The following SBSPON variants were observed in gnomAD, a reference collection of about 807,000 sequenced individuals.
The protein encoded by SBSPON is somatomedin-B and thrombospondin type-1 domain-containing protein.
Under a neutral mutation model 35.8 loss-of-function variants are expected in SBSPON, and 30 were observed. The observed-to-expected ratio is 0.84, with a 90% CI of 0.63 to 1.14. The LOEUF is 1.14. Among genes scored for constraint, SBSPON ranks in the 50% most tolerant of loss-of-function variants. The pLI, the probability that SBSPON is intolerant of heterozygous loss-of-function variation, is 0.00. For missense variants in SBSPON, 364 were observed against 357.7 expected (o/e 1.02, Z -0.14); for synonymous variants, 136 against 135.9 (o/e 1.00, Z 0.00).
At chr8:73,086,774 A>G (rs1215629697) in intron 1 of SBSPON, among the ~76,000 whole-genome samples, 8 of 152,254 alleles carry the variant, frequency 5.3e-5, no homozygotes, top group Non-Finnish European at 1.2e-4. Context: ...ATGAATAAAA[A>G]AGATAATAGT....
intron 2 of SBSPON, among the ~76,000 whole-genome samples, chr8:73,078,758 A>G (rs904880277): frequency 6.6e-6 from 1 of 152,212 alleles, no homozygotes; most frequent in Non-Finnish European, 1.5e-5. Context: ...GTCTGTGAGC[A>G]ACCACGTCTG....
In SBSPON at chr8:73,067,277, T is replaced by G; in HGVS notation, c.*64A>C. ...GCCAAAATTGAAGGTTTAGGAAACATTGAACATGACTTGAGAATATTTAGA... is the reference window on the plus strand; with the variant it reads ...GCCAAAATTGAAGGTTTAGGAAACAGTGAACATGACTTGAGAATATTTAGA... On this transcript the variant is annotated 3_prime_UTR_variant, in exon 5 of 5. Coordinates refer to ENST00000297354, the MANE Select transcript of SBSPON (RefSeq NM_153225.4). The G allele has an allele frequency of 9.7e-7, 1 of 1,031,822 alleles. No individual in the cohort carries two copies. The highest frequency in any genetic ancestry group is 1.5e-6 in the Non-Finnish European group (1 of 661,728). The allele number at this position is 1,031,822 out of a possible 1,614,324, so 63.9% of individuals were successfully genotyped here. A position where few individuals can be genotyped will look rare whatever the true frequency, so the allele number is the denominator to read the frequency against.
rs1586085453 is a variant in SBSPON at position 73,064,730 on chromosome 8, T to C, written c.*2611A>G. ...CCAAAAAGAATACTGTGATTATAGT[T>C]ACCTTATTCCTTTTTCTATTCTTTT... is the stretch of plus-strand genomic sequence containing the variant. On this transcript the variant is annotated 3_prime_UTR_variant, in exon 5 of 5. Transcript: ENST00000297354. 1 of 151,956 alleles carries C rather than the reference T, an allele frequency of 6.6e-6. No homozygotes were observed. The highest frequency in any genetic ancestry group is 2.4e-5 in the African/African-American group (1 of 41,360). 9.4% of individuals were successfully genotyped at this position (151,956 alleles called of 1,614,324 possible).
Position 73,067,201 on chromosome 8 carries a change from A to C in SBSPON, c.*140T>G, listed in dbSNP as rs1810404457. ...TGTGTTCCTTGAGAACTGGCCCCTA[A>C]ATTTTCTTTCTCTACTTCAGAGTGT... On this transcript the variant is annotated 3_prime_UTR_variant, in exon 5 of 5. Transcript: ENST00000297354. The C allele has an allele frequency of 1.9e-6, 1 of 538,842 alleles. No homozygotes were observed. Among genetic ancestry groups the C allele is most frequent in the African/African-American group, 1.9e-5 (1 of 52,834 alleles). 33.4% of individuals were successfully genotyped at this position (538,842 alleles called of 1,614,324 possible).
intron 1 of SBSPON, among the ~76,000 whole-genome samples, chr8:73,088,530 C>T (rs1810875681): frequency 1.3e-5 from 2 of 152,066 alleles, no homozygotes; most frequent in Non-Finnish European, 2.9e-5. Flanking sequence ...AAAAAATAGC[C>T]AGGCTTGGCA....
In SBSPON at chr8:73,067,346, TA is replaced by T. The variant is rs1307736876; in HGVS notation, c.789del (p.Phe263LeufsTer5). 2.6e-6 allele frequency: 4 copies of T among 1,541,118 alleles called. No homozygotes were observed. The highest frequency in any genetic ancestry group is 3.6e-6 in the Non-Finnish European group (4 of 1,114,164). On this transcript the variant is annotated frameshift_variant, in exon 5 of 5. Transcript: ENST00000297354. LOFTEE classifies it high-confidence loss of function. ...CSCPAVHSFI[F>X]I Reference sequence around the variant, plus strand: ...GGAAATATTTATATCACCATCTATATAAAAATAAAACTGTGAACAGCTGGAC... The same window carrying T: ...GGAAATATTTATATCACCATCTATATAAAATAAAACTGTGAACAGCTGGAC...
At chr8:73,071,893 G>T (rs776873530) in intron 2 of SBSPON, 23 bp from the exon 3 acceptor site, 1 of 1,486,126 alleles carries the variant, frequency 6.7e-7, no homozygotes, top group Non-Finnish European at 9.4e-7. Flanking sequence ...GATTTCTGTT[G>T]AATTCAGGGA....
chr8:73,071,746 A>T, intron 3 of SBSPON, 34 bp downstream of exon 3: 1 of 1,254,464 alleles, frequency 8.0e-7, no homozygotes, highest in Non-Finnish European at 1.1e-6. Flanking sequence ...CAATTGAAAA[A>T]CATGATTAAA....
intron 2 of SBSPON, 31 bp from the exon 3 acceptor site, chr8:73,071,901 G>T: frequency 7.1e-7 from 1 of 1,415,442 alleles, no homozygotes; most frequent in Non-Finnish European, 1.0e-6. Context: ...TTGAATTCAG[G>T]GAGCCAAAGT....
intron 2 of SBSPON, chr8:73,074,638 T>A (rs981509141): frequency 2.2e-6 from 2 of 916,228 alleles, no homozygotes; most frequent in Non-Finnish European, 2.6e-6. Context: ...ATCTTTCCCA[T>A]GAATTATTTA....
At chr8:73,086,615 C>T (rs544260902) in intron 1 of SBSPON, among the ~76,000 whole-genome samples, 3 of 151,900 alleles carry the variant, frequency 2.0e-5, no homozygotes, top group East Asian at 1.9e-4. Flanking sequence ...CCCTCTCTTG[C>T]AGAAACCACG....
intron 1 of SBSPON, among the ~76,000 whole-genome samples, chr8:73,083,181 T>C (rs1810750613): frequency 6.6e-6 from 1 of 152,178 alleles, no homozygotes; most frequent in Non-Finnish European, 1.5e-5. Flanking sequence ...GAATCAATCA[T>C]TGCATCAAGT....
chr8:73,070,412 T>G (rs1351345982), intron 3 of SBSPON, among the ~76,000 whole-genome samples: 1 of 152,238 alleles, frequency 6.6e-6, no homozygotes, highest in Non-Finnish European at 1.5e-5. Flanking sequence ...CCAGGAGGGC[T>G]AGCCCTTAAC....
At chr8:73,088,311 T>C (rs747466531) in intron 1 of SBSPON, among the ~76,000 whole-genome samples, 3 of 152,228 alleles carry the variant, frequency 2.0e-5, no homozygotes, top group Non-Finnish European at 4.4e-5. Context: ...CTGACTCAGT[T>C]ACATTTTCCA....
intron 4 of SBSPON, among the ~76,000 whole-genome samples, chr8:73,069,149 G>A (rs989817837): frequency 1.3e-5 from 2 of 152,212 alleles, no homozygotes; most frequent in Non-Finnish European, 2.9e-5. Context: ...TCAGTTAGTC[G>A]GAAATGAGGT....
intron 1 of SBSPON, among the ~76,000 whole-genome samples, 195 bp downstream of exon 1, chr8:73,092,659 T>G (rs1810958017): frequency 6.6e-6 from 1 of 151,246 alleles, no homozygotes; most frequent in Admixed American, 6.6e-5. Flanking sequence ...GACACTTCGA[T>G]GTCTAGCAGG....
intron 1 of SBSPON, among the ~76,000 whole-genome samples, chr8:73,084,749 GACACACACACACACACACACAC>G (rs57178636): frequency 4.0e-4 from 54 of 134,448 alleles, no homozygotes; most frequent in African/African-American, 1.4e-3. Context: ...CCACTACACA[GACACACACACACACACACACAC>G]ACACACACAC....
Position 73,091,014 on chromosome 8 carries a change from G to T in SBSPON, c.214+1840C>A, listed in dbSNP as rs1312885000. 1.3e-5 allele frequency among the ~76,000 whole-genome samples: 2 copies of T among 152,202 alleles called. 1 individual carries two copies. Among genetic ancestry groups the T allele is most frequent in the Admixed American group, 1.3e-4 (2 of 15,286 alleles). On this transcript the variant is annotated intron_variant, in intron 1 of 4. Coordinates refer to ENST00000297354, the MANE Select transcript of SBSPON (RefSeq NM_153225.4). ...GCTGTCAGGTCTCACTAGAAAGCAA[G>T]TTCTTCTCAAGACATTCTCCTTGTC...
intron 1 of SBSPON, among the ~76,000 whole-genome samples, chr8:73,089,598 C>CA (rs1810895432): frequency 1.3e-5 from 2 of 151,074 alleles, no homozygotes; most frequent in Admixed American, 1.3e-4. Flanking sequence ...TTAAATGAGA[C>CA]AAAGTATTAA....
Sources: gnomAD v4.1 joint callset for allele counts (sites outside exome capture counted in the v4.1 genomes callset) on GRCh38, gnomAD v4.1.1 for gene constraint, MANE v1.5 for transcripts, NCBI Gene and HGNC (gene_info 2026-07-23, HGNC 2026-07-21) for gene names.